Variants in SRGAP3 observed in about 807,000 individuals in gnomAD.
The protein encoded by SRGAP3 is SLIT-ROBO Rho GTPase activating protein 3.
A neutral mutation model predicts 121.1 loss-of-function variants in SRGAP3; 39 were observed. The observed-to-expected ratio is 0.32, with a 90% confidence interval of 0.25 to 0.42. The LOEUF (loss-of-function observed/expected upper bound fraction) is 0.42. Ranked by LOEUF, SRGAP3 falls within the 10% of genes least tolerant of loss-of-function variation. SRGAP3 has a pLI of 1.00. For synonymous variants in SRGAP3, 601 were observed against 570.0 expected (o/e 1.05, Z -0.77); for missense variants, 1,213 against 1,470.6 (o/e 0.82, Z 2.86).
At position 9,015,547 on chromosome 3, in the gene SRGAP3, C is replaced by T. The variant is rs375423674; in HGVS notation, c.1813+50G>A. Reference sequence around the variant, plus strand: ...ACAGCAGTAAGCCTGTAGCTCAACTCCAACAATGATTTGTCAAAAAACTGA... The same window carrying T: ...ACAGCAGTAAGCCTGTAGCTCAACTTCAACAATGATTTGTCAAAAAACTGA... On this transcript the variant is annotated intron_variant, in intron 15 of 21. Transcript: ENST00000383836. The T allele has an allele frequency of 2.4e-5, 38 of 1,611,052 alleles. No individual in the cohort carries two copies. In the African/African-American group the frequency reaches 4.4e-4, roughly 19 times the overall value.
At chr3:9,102,194 C>G (rs924184746) in intron 3 of SRGAP3, among the ~76,000 whole-genome samples, 5 of 152,234 alleles carry the variant, frequency 3.3e-5, no homozygotes, top group Non-Finnish European at 7.3e-5. Context: ...ATTTAATAAG[C>G]ACCTACTGGA....
intron 2 of SRGAP3, among the ~76,000 whole-genome samples, chr3:9,108,363 G>A (rs1948491491): frequency 6.6e-6 from 1 of 152,182 alleles, no homozygotes; most frequent in Non-Finnish European, 1.5e-5. Flanking sequence ...TCGTGCCTGA[G>A]TCCCAGGGCT....
At chr3:9,347,824 CG>C in intron 1 of SRGAP3, among the ~76,000 whole-genome samples, 1 of 152,302 alleles carries the variant, frequency 6.6e-6, no homozygotes, top group East Asian at 1.9e-4. Context: ...ACTTGCACTT[CG>C]ACAGGGATTC....
chr3:9,088,718 C>G (rs532162955), intron 3 of SRGAP3, among the ~76,000 whole-genome samples: 1 of 152,156 alleles, frequency 6.6e-6, no homozygotes, highest in Non-Finnish European at 1.5e-5. Context: ...TTTTGTTTGG[C>G]CATTCAGTGC....
At chr3:9,124,674 C>T (rs1178190889) in intron 2 of SRGAP3, 51 bp downstream of exon 2, 1 of 1,610,548 alleles carries the variant, frequency 6.2e-7, no homozygotes, top group East Asian at 2.2e-5. Flanking sequence ...CAACTGTCCG[C>T]CCACCCCAGT....
At chr3:9,287,008 T>G (rs957235639) in intron 3 of SRGAP3, among the ~76,000 whole-genome samples, 87 of 146,870 alleles carry the variant, frequency 5.9e-4, no homozygotes, top group African/African-American at 1.9e-3. Context: ...TTTTTTTTTT[T>G]TGGGACAGGG....
In SRGAP3 at chr3:9,109,876, T is replaced by G. The variant is rs1168461653; in HGVS notation, c.261-5034A>C. On this transcript the variant is annotated intron_variant, in intron 2 of 21. Coordinates refer to ENST00000383836, the MANE Select transcript of SRGAP3 (RefSeq NM_014850.4). The surrounding 1 kb of genome is among the most constrained non-coding windows in gnomAD (Gnocchi z 4.4). ...GAGGAGCAGGAGAGGGAGGAGCAGG[T>G]AGGGAGGGGGCCCAAGCATGGTGTT... Among the ~76,000 whole-genome samples the G allele has an allele frequency of 1.3e-5, 2 of 151,226 alleles. No individual in the cohort carries two copies. Among genetic ancestry groups the G allele is most frequent in the African/African-American group, 2.4e-5 (1 of 41,078 alleles).
intron 2 of SRGAP3, among the ~76,000 whole-genome samples, chr3:9,120,058 T>A (rs1407751272): frequency 6.6e-6 from 1 of 152,266 alleles, no homozygotes; most frequent in African/African-American, 2.4e-5. Context: ...TTTATTTCCA[T>A]CATAGCAATC....
In SRGAP3 at chr3:9,235,156, C is replaced by T. The variant is rs545134433; in HGVS notation, c.67+13729G>A. On this transcript the variant is annotated intron_variant, in intron 1 of 21. Coordinates refer to ENST00000383836, the MANE Select transcript of SRGAP3 (RefSeq NM_014850.4). Reference sequence around the variant, plus strand: ...CCATTAAAACGGACGTAGGAGGTCACGCATATTGATGTTCTTACTTGACAA... The same window carrying T: ...CCATTAAAACGGACGTAGGAGGTCATGCATATTGATGTTCTTACTTGACAA... Among the ~76,000 whole-genome samples the T allele has an allele frequency of 8.5e-5, 13 of 152,290 alleles. 1 individual carries two copies. The South Asian group carries it at 1.0e-3, about 12-fold the overall frequency.
At chr3:9,038,412 A>G (rs918171180) in intron 10 of SRGAP3, among the ~76,000 whole-genome samples, 46 of 152,330 alleles carry the variant, frequency 3.0e-4, no homozygotes, top group African/African-American at 1.1e-3. Flanking sequence ...TGGCTGTCTC[A>G]TGGGTCTTCT....
chr3:9,154,905 C>G (rs1950353723), intron 1 of SRGAP3, among the ~76,000 whole-genome samples: 2 of 150,304 alleles, frequency 1.3e-5, no homozygotes, highest in Non-Finnish European at 3.0e-5. Context: ...TGCTTTTTTG[C>G]TTTGTTCTCT....
At chr3:9,129,247 A>T (rs1175518237) in intron 1 of SRGAP3, among the ~76,000 whole-genome samples, 1 of 137,778 alleles carries the variant, frequency 7.3e-6, no homozygotes, top group African/African-American at 2.6e-5. Flanking sequence ...CAACATTTTG[A>T]TACAGTTTTA....
chr3:9,037,826 A>G (rs1052449905), intron 11 of SRGAP3: 19 of 597,184 alleles, frequency 3.2e-5, no homozygotes, highest in Non-Finnish European at 5.4e-5. Flanking sequence ...ACTGCCACAC[A>G]GCAGCCCCAA....
chr3:9,316,991 G>C (rs979217433), intron 3 of SRGAP3, among the ~76,000 whole-genome samples: 2 of 152,016 alleles, frequency 1.3e-5, no homozygotes, highest in Admixed American at 6.5e-5. Flanking sequence ...AATTCTGTAG[G>C]CCACCGTGTA....
At chr3:9,319,214 C>A (rs764904349) in intron 3 of SRGAP3, among the ~76,000 whole-genome samples, 1 of 151,840 alleles carries the variant, frequency 6.6e-6, no homozygotes, top group Non-Finnish European at 1.5e-5. Context: ...AAAGCCTTGC[C>A]TAAAGTCACA....
chr3:9,288,495 C>CTAA (rs752568113), intron 3 of SRGAP3, among the ~76,000 whole-genome samples: 13 of 151,882 alleles, frequency 8.6e-5, no homozygotes, highest in Non-Finnish European at 1.3e-4. Context: ...CCCTAGGTTA[C>CTAA]TAATTCTCTT....
intron 1 of SRGAP3, among the ~76,000 whole-genome samples, chr3:9,356,944 T>C (rs1270920547): frequency 2.0e-5 from 3 of 152,198 alleles, no homozygotes; most frequent in East Asian, 3.8e-4. Flanking sequence ...TCTCTAATAT[T>C]TGTAATTTGT....
At chr3:9,266,631 T>C (rs1185946835) in intron 3 of SRGAP3, among the ~76,000 whole-genome samples, 4 of 149,368 alleles carry the variant, frequency 2.7e-5, no homozygotes, top group African/African-American at 9.7e-5. Context: ...TCCATCCGGT[T>C]TTTTTGTTTT....
chr3:9,079,904 G>T, intron 4 of SRGAP3, 121 bp downstream of exon 4: 1 of 958,578 alleles, frequency 1.0e-6, no homozygotes, highest in Non-Finnish European at 1.6e-6. Flanking sequence ...CTGTCACTCA[G>T]CATAAAACGC....
Sources: gnomAD v4.1 joint callset for allele counts (sites outside exome capture counted in the v4.1 genomes callset) on GRCh38, gnomAD v4.1.1 for gene constraint, Gnocchi (gnomAD v3.1) non-coding constraint, MANE v1.5 for transcripts, NCBI Gene and HGNC (gene_info 2026-07-23, HGNC 2026-07-21) for gene names.